DPP10: variants seen among roughly 807,000 people sequenced by gnomAD.
DPP10 encodes dipeptidyl peptidase like 10.
In DPP10, 33 loss-of-function variants were observed where a neutral mutation model predicts 120.9. That is an observed-to-expected ratio of 0.27 (90% CI 0.21 to 0.37). The LOEUF (loss-of-function observed/expected upper bound fraction) is 0.37. DPP10 is among the 10% of genes least tolerant of loss of function. The pLI, the probability that DPP10 is intolerant of heterozygous loss-of-function variation, is 1.00. For synonymous variants in DPP10, 337 were observed against 326.1 expected, an observed-to-expected ratio of 1.03 and a Z score of -0.36; for missense variants, 816 against 942.8, an observed-to-expected ratio of 0.87 and a Z score of 1.76.
intron 3 of DPP10, among the ~76,000 whole-genome samples, chr2:115,460,663 G>T (rs1431065388): frequency 6.6e-6 from 1 of 152,066 alleles, no homozygotes; most frequent in Non-Finnish European, 1.5e-5. Context: ...TTGTATTCTG[G>T]ATGTCTCTCA....
At chr2:115,320,438 T>G (rs2062003362) in intron 2 of DPP10, among the ~76,000 whole-genome samples, 1 of 152,166 alleles carries the variant, frequency 6.6e-6, no homozygotes, top group East Asian at 1.9e-4. Context: ...CAATGCTGCT[T>G]TCTTTTGTGT....
chr2:115,382,904 T>A (rs2066524580), intron 3 of DPP10, among the ~76,000 whole-genome samples: 1 of 152,194 alleles, frequency 6.6e-6, no homozygotes, highest in South Asian at 2.1e-4. Flanking sequence ...AGGAGGGAAG[T>A]CAGAGAACGC....
chr2:114,450,629 T>G (rs1201882070), intron 1 of DPP10, among the ~76,000 whole-genome samples: 4 of 152,104 alleles, frequency 2.6e-5, no homozygotes, highest in African/African-American at 9.7e-5. Flanking sequence ...ACCTGTTACT[T>G]TGAAATATGC....
chr2:115,548,969 C>G (rs149296132), intron 5 of DPP10, among the ~76,000 whole-genome samples: 1 of 152,058 alleles, frequency 6.6e-6, no homozygotes, highest in Non-Finnish European at 1.5e-5. Flanking sequence ...CTTGAAGCCC[C>G]GGTTATCTTT....
chr2:115,795,065 C>T (rs914750958), intron 19 of DPP10, among the ~76,000 whole-genome samples: 7 of 152,126 alleles, frequency 4.6e-5, no homozygotes, highest in African/African-American at 1.7e-4. Context: ...AGTGCCAAGA[C>T]TGAAGGTGTT....
At chr2:115,485,354 G>C (rs1301437626) in intron 3 of DPP10, among the ~76,000 whole-genome samples, 1 of 151,520 alleles carries the variant, frequency 6.6e-6, no homozygotes, top group Admixed American at 6.6e-5. Flanking sequence ...ATTTCCACTT[G>C]CTATTACCTT....
At chr2:115,069,067 A>C (rs1196603473) in intron 1 of DPP10, among the ~76,000 whole-genome samples, 1 of 152,054 alleles carries the variant, frequency 6.6e-6, no homozygotes, top group Non-Finnish European at 1.5e-5. Flanking sequence ...CATATGCTTT[A>C]GGATTTCTTT....
intron 1 of DPP10, among the ~76,000 whole-genome samples, chr2:114,521,251 GACACACACACACACACACAC>G (rs60539029): frequency 2.8e-5 from 4 of 144,616 alleles, no homozygotes; most frequent in South Asian, 4.5e-4. Context: ...CACATGCACA[GACACACACACACACACACAC>G]ACACACACAC....
chr2:114,831,986 A>G (rs994536487), intron 1 of DPP10, among the ~76,000 whole-genome samples: 3 of 151,140 alleles, frequency 2.0e-5, no homozygotes, highest in African/African-American at 7.3e-5. Context: ...TATCTTCCCA[A>G]TATTTTAATT....
At chr2:115,618,278 C>T (rs1235054450) in intron 5 of DPP10, among the ~76,000 whole-genome samples, 4 of 152,068 alleles carry the variant, frequency 2.6e-5, no homozygotes, top group African/African-American at 9.7e-5. Flanking sequence ...AAAGGCATAG[C>T]ATTTTATCTA....
chr2:115,809,639 C>T (rs1486196657), intron 19 of DPP10, among the ~76,000 whole-genome samples: 1 of 152,098 alleles, frequency 6.6e-6, no homozygotes, highest in African/African-American at 2.4e-5. Flanking sequence ...CAAACAGGTA[C>T]TCGTGCAACT....
intron 3 of DPP10, among the ~76,000 whole-genome samples, chr2:115,388,233 G>C (rs960254600): frequency 4.6e-5 from 7 of 152,196 alleles, no homozygotes; most frequent in Non-Finnish European, 8.8e-5. Flanking sequence ...GAGTAAACTA[G>C]AAGGGTATTT....
At chr2:115,203,343 A>G (rs551334527) in intron 1 of DPP10, among the ~76,000 whole-genome samples, 18 of 152,148 alleles carry the variant, frequency 1.2e-4, no homozygotes, top group African/African-American at 3.9e-4. Flanking sequence ...CACTTTTCTC[A>G]CATCTCCACT....
chr2:115,021,841 C>T (rs1004476739), intron 1 of DPP10, among the ~76,000 whole-genome samples: 1 of 152,064 alleles, frequency 6.6e-6, no homozygotes, highest in Non-Finnish European at 1.5e-5. Context: ...ACCAGGGATG[C>T]AGGAATGGAT....
chr2:114,605,937 T>A (rs1326484244), intron 1 of DPP10, among the ~76,000 whole-genome samples: 3 of 152,138 alleles, frequency 2.0e-5, no homozygotes, highest in Admixed American at 1.3e-4. Flanking sequence ...GGATATAAGA[T>A]GTCCAGTAAG....
intron 1 of DPP10, among the ~76,000 whole-genome samples, chr2:114,615,393 T>C (rs963398056): frequency 6.6e-6 from 1 of 152,116 alleles, no homozygotes; most frequent in African/African-American, 2.4e-5. Context: ...TTTCTTTGTC[T>C]CTATTCTCTT....
intron 1 of DPP10, among the ~76,000 whole-genome samples, chr2:115,158,067 C>G (rs760779620): frequency 6.6e-6 from 1 of 152,154 alleles, no homozygotes; most frequent in East Asian, 1.9e-4. Context: ...GGACATTTGT[C>G]TTTCTGACAT....
At chr2:115,306,396 G>A (rs969067826) in intron 1 of DPP10, among the ~76,000 whole-genome samples, 8 of 152,056 alleles carry the variant, frequency 5.3e-5, no homozygotes, top group Admixed American at 5.2e-4. Context: ...TAAGGAAATG[G>A]TAATCAGAGC....
intron 1 of DPP10, among the ~76,000 whole-genome samples, chr2:114,616,599 G>A (rs1000951341): frequency 2.0e-5 from 3 of 152,116 alleles, no homozygotes; most frequent in Admixed American, 6.6e-5. Context: ...CTTTGCAGAC[G>A]TGGGGACTGT....
Sources: gnomAD v4.1 joint callset for allele counts (sites outside exome capture counted in the v4.1 genomes callset) on GRCh38, gnomAD v4.1.1 for gene constraint, MANE v1.5 for transcripts, NCBI Gene and HGNC (gene_info 2026-07-23, HGNC 2026-07-21) for gene names.